B4GALNT2: variants seen among roughly 807,000 people sequenced by gnomAD.
The protein encoded by B4GALNT2 is N-acetylneuraminylgalactosylglucosyl-glucoside beta-1,4-N- acetylgalactosaminyltransferase 2.
B4GALNT2 carries 42 observed loss-of-function variants against 51.1 expected under a neutral mutation model. The observed-to-expected ratio is 0.82, with a 90% CI of 0.64 to 1.06. The LOEUF is 1.06. Among genes scored for constraint, B4GALNT2 ranks in the 50% least tolerant of loss-of-function variants. B4GALNT2 has a pLI of 0.00. For synonymous variants in B4GALNT2, 253 were observed against 251.7 expected, an observed-to-expected ratio of 1.01 and a Z score of -0.05; for missense variants, 602 against 633.6, an observed-to-expected ratio of 0.95 and a Z score of 0.54.
chr17:49,159,738 T>C (rs1311576905), intron 6 of B4GALNT2, among the ~76,000 whole-genome samples: 1 of 152,168 alleles, frequency 6.6e-6, no homozygotes, highest in East Asian at 1.9e-4. Context: ...CACATTGCCA[T>C]TGACCCCATA....
At chr17:49,167,456 C>A (rs1371928304) in intron 9 of B4GALNT2, among the ~76,000 whole-genome samples, 2 of 151,790 alleles carry the variant, frequency 1.3e-5, no homozygotes, top group Non-Finnish European at 2.9e-5. Flanking sequence ...AATAAATGGG[C>A]TTTGTTTTTT....
chr17:49,169,545 G>T lies in B4GALNT2; in HGVS notation c.1338G>T (p.Gly446=), dbSNP rs747505531. ...AHSEFFIDGL[G]TLLVGSCPEV... Reference sequence around the variant, plus strand: ...CAGAATTCTTCATTGATGGGCTAGGGACCCTACTCGTGGGGTCATGCCCAG... The same window carrying T: ...CAGAATTCTTCATTGATGGGCTAGGTACCCTACTCGTGGGGTCATGCCCAG... Residue 446 remains glycine, a synonymous_variant, in exon 11 of 11, where the codon GGG becomes GGT. Coordinates refer to ENST00000393354, the MANE Select transcript of B4GALNT2 (RefSeq NM_001159387.2). 2.5e-6 allele frequency: 4 copies of T among 1,612,016 alleles called. No individual in the cohort carries two copies. In the East Asian group the frequency reaches 8.9e-5, roughly 36 times the overall value.
chr17:49,162,149 G>A (rs58496761), intron 7 of B4GALNT2, among the ~76,000 whole-genome samples: 92,223 of 150,530 alleles, frequency 0.61, 28,571 homozygotes, highest in East Asian at 0.84. Flanking sequence ...CACCATGCCC[G>A]GCTAATCAAA....
chr17:49,174,072 C>G lies in B4GALNT2; in HGVS notation c.*4344C>G, dbSNP rs1197334327. On this transcript the variant is annotated 3_prime_UTR_variant, in exon 11 of 11. Transcript: ENST00000393354. ...GTTGATCCCTACATATGGTTACTTT[C>G]TGTGGCACAATGATAGTGTCATTTA... 2 of 152,160 alleles carry G rather than the reference C, an allele frequency of 1.3e-5. No homozygotes were observed. Among genetic ancestry groups the G allele is most frequent in the Non-Finnish European group, 2.9e-5 (2 of 68,042 alleles). The allele number at this position is 152,160 out of a possible 1,614,324, so 9.4% of individuals were successfully genotyped here. A position where few individuals can be genotyped will look rare whatever the true frequency, so the allele number is the denominator to read the frequency against.
rs560863182 is a variant in B4GALNT2 at position 49,154,767 on chromosome 17, C to T, written c.461-1799C>T. 2.8e-3 allele frequency among the ~76,000 whole-genome samples: 420 copies of T among 151,938 alleles called. 1 individual carries two copies. Among genetic ancestry groups the T allele is most frequent in the Non-Finnish European group, 3.9e-3 (263 of 67,980 alleles). Reference sequence around the variant, plus strand: ...TGCAGGACATCAACAGATGGCATGTCCCACACAGAAGGAAGGGCAAGGTCC... The same window carrying T: ...TGCAGGACATCAACAGATGGCATGTTCCACACAGAAGGAAGGGCAAGGTCC... On this transcript the variant is annotated intron_variant, in intron 4 of 10. Transcript: ENST00000393354.
intron 3 of B4GALNT2, chr17:49,148,415 C>T (rs570523562): frequency 1.8e-4 from 55 of 306,330 alleles, no homozygotes; most frequent in African/African-American, 1.2e-3. Context: ...GCCTCAGCCT[C>T]GGCATTCTTG....
the B4GALNT2 span, among the ~76,000 whole-genome samples, chr17:49,126,449 T>C: frequency 6.9e-6 from 1 of 145,722 alleles, no homozygotes; most frequent in African/African-American, 2.6e-5. Flanking sequence ...TATTGTCCTA[T>C]GACCCTGCCA....
intron 3 of B4GALNT2, among the ~76,000 whole-genome samples, chr17:49,150,502 A>G (rs571190947): frequency 3.0e-4 from 45 of 152,222 alleles, no homozygotes; most frequent in African/African-American, 1.0e-3. Flanking sequence ...TGGGGAAAAG[A>G]TTGAGAAATC....
chr17:49,158,848 A>G (rs532625676), intron 5 of B4GALNT2, among the ~76,000 whole-genome samples, 189 bp from the exon 6 acceptor site: 76 of 151,448 alleles, frequency 5.0e-4, no homozygotes, highest in African/African-American at 1.7e-3. Flanking sequence ...GACTTGGGGG[A>G]TTGGGGGCGG....
At chr17:49,165,135 T>C (rs1339408330) in intron 8 of B4GALNT2, among the ~76,000 whole-genome samples, 1 of 152,074 alleles carries the variant, frequency 6.6e-6, no homozygotes, top group Non-Finnish European at 1.5e-5. Flanking sequence ...TCATTTCCGA[T>C]GTGGAAATCG....
chr17:49,136,082 C>CAAA (rs60290551), intron 1 of B4GALNT2, among the ~76,000 whole-genome samples: 3 of 119,518 alleles, frequency 2.5e-5, no homozygotes, highest in Admixed American at 8.4e-5. Context: ...GACTCTGGAT[C>CAAA]AAAAAAAAAA....
rs372120287 is a variant in B4GALNT2, at chr17:49,152,430, T to A, written c.354-370T>A. 1.4e-4 allele frequency among the ~76,000 whole-genome samples: 21 copies of A among 152,202 alleles called. 1 individual carries two copies. The highest frequency in any genetic ancestry group is 4.8e-4 in the African/African-American group (20 of 41,522). ...GGCTCACGCCTGTAATCCCAGCACT[T>A]TGGGAGGCCAAGGCAGGTGGATCAC... On this transcript the variant is annotated intron_variant, in intron 3 of 10. Transcript: ENST00000393354.
chr17:49,155,868 A>G (rs569306221), intron 4 of B4GALNT2, among the ~76,000 whole-genome samples: 6 of 151,476 alleles, frequency 4.0e-5, no homozygotes, highest in South Asian at 2.1e-4. Context: ...GACTACAGGC[A>G]CCCGCCACCA....
intron 8 of B4GALNT2, among the ~76,000 whole-genome samples, chr17:49,165,637 T>C (rs113580764): frequency 0.019 from 2,502 of 128,884 alleles, 104 homozygotes; most frequent in African/African-American, 0.071. Context: ...CCTTCCTCTC[T>C]CTTTCCCCCC....
intron 1 of B4GALNT2, 71 bp from the exon 2 acceptor site, chr17:49,141,176 A>T: frequency 7.1e-7 from 1 of 1,410,348 alleles, no homozygotes; most frequent in East Asian, 2.3e-5. Context: ...TCCTGAAATT[A>T]TCAGTCTCAT....
rs899318328 is a variant in B4GALNT2 at position 49,146,518 on chromosome 17, C to T, written c.353+4346C>T. Among the ~76,000 whole-genome samples, 7 of 152,136 alleles carry T rather than the reference C, an allele frequency of 4.6e-5. No homozygotes were observed. In the East Asian group the frequency reaches 7.7e-4, roughly 17 times the overall value. On this transcript the variant is annotated intron_variant, in intron 3 of 10. Coordinates refer to ENST00000393354, the MANE Select transcript of B4GALNT2 (RefSeq NM_001159387.2). ...TGGAGATGGGGTTTCCCCATGTTGC[C>T]GAGGCTGGTTTTGAACTCCTAGCCT...
chr17:49,147,010 T>A (rs543674404), intron 3 of B4GALNT2, among the ~76,000 whole-genome samples: 46 of 152,354 alleles, frequency 3.0e-4, no homozygotes, highest in African/African-American at 1.1e-3. Context: ...GAGATGTTTC[T>A]TAATTTACAT....
intron 3 of B4GALNT2, chr17:49,148,310 T>TA: frequency 3.0e-6 from 1 of 338,684 alleles, no homozygotes; most frequent in Non-Finnish European, 5.8e-6. Flanking sequence ...GAAAAAAAAA[T>TA]AAAAACAAAA....
chr17:49,164,350 G>A, intron 8 of B4GALNT2, 75 bp downstream of exon 8: 1 of 1,377,002 alleles, frequency 7.3e-7, no homozygotes. Context: ...TACCCTGGAT[G>A]GGGCCGCTTC....
Sources: allele counts gnomAD v4.1 joint callset (sites outside exome capture counted in the v4.1 genomes callset), GRCh38; gene constraint gnomAD v4.1.1; transcripts MANE v1.5; gene names NCBI Gene and HGNC (gene_info 2026-07-23, HGNC 2026-07-21).